ADCY8: variants seen among roughly 807,000 people sequenced by gnomAD.
The protein encoded by ADCY8 is adenylate cyclase type 8.
ADCY8 carries 51 observed loss-of-function variants against 119.7 expected under a neutral mutation model. The observed-to-expected ratio is 0.43, with a 90% CI of 0.34 to 0.54. The LOEUF (loss-of-function observed/expected upper bound fraction) is 0.54. ADCY8 is among the 20% of genes least tolerant of loss of function. The pLI, the probability that ADCY8 is intolerant of heterozygous loss-of-function variation, is 0.03. For missense variants in ADCY8, 1,383 were observed against 1,598.8 expected (o/e 0.87, Z 2.30); for synonymous variants, 665 against 651.0 (o/e 1.02, Z -0.33).
chr8:130,846,690 TCTTCCCCTTACTACCTTCCGTCCTTC>T (rs1817315149), intron 11 of ADCY8, among the ~76,000 whole-genome samples: 1 of 95,992 alleles, frequency 1.0e-5, no homozygotes, highest in Non-Finnish European at 2.5e-5. Context: ...CCCCTTCCTT[TCTTCCCCTTACTACCTTCCGTCCTTC>T]CTTCCCCTTC....
chr8:130,905,506 A>C (rs1274019666), intron 6 of ADCY8, among the ~76,000 whole-genome samples: 1 of 152,210 alleles, frequency 6.6e-6, no homozygotes, highest in Non-Finnish European at 1.5e-5. Context: ...AGAATGCTTA[A>C]TATTTTGATT....
At chr8:131,002,654 C>A (rs745607476) in intron 1 of ADCY8, among the ~76,000 whole-genome samples, 14 of 150,400 alleles carry the variant, frequency 9.3e-5, no homozygotes, top group Non-Finnish European at 1.5e-5. Context: ...AAGTAAAAAT[C>A]TAAGAAAAGG....
rs188548766 is a variant in ADCY8 at position 130,904,154 on chromosome 8, C to T, written c.1641-112G>A. On this transcript the variant is annotated intron_variant, in intron 6 of 17. Transcript: ENST00000286355. ...GGGTTACACAAGGGTATTATTAGGA[C>T]ATGTCCTCAGGGACAATACTTGTCT... 1.1e-4 allele frequency: 121 copies of T among 1,095,938 alleles called. No individual in the cohort carries two copies. The African/African-American group carries it at 1.7e-3, about 16-fold the overall frequency. 67.9% of individuals were successfully genotyped at this position (1,095,938 alleles called of 1,614,324 possible).
intron 9 of ADCY8, among the ~76,000 whole-genome samples, chr8:130,851,411 A>C (rs1286177511): frequency 6.6e-6 from 1 of 152,206 alleles, no homozygotes; most frequent in Non-Finnish European, 1.5e-5. Context: ...TGCAGGTAGG[A>C]AAGAGTGGGG....
intron 5 of ADCY8, among the ~76,000 whole-genome samples, chr8:130,919,323 C>A (rs7836440): frequency 0.039 from 5,906 of 151,324 alleles, 356 homozygotes; most frequent in African/African-American, 0.14. Context: ...ACACACACAC[C>A]ACACACATGA....
At chr8:130,883,718 G>A (rs545399028) in intron 8 of ADCY8, among the ~76,000 whole-genome samples, 1 of 152,256 alleles carries the variant, frequency 6.6e-6, no homozygotes, top group Middle Eastern at 3.4e-3. Flanking sequence ...GCTCAGTCAA[G>A]GAAGGTCTGT....
chr8:130,975,068 A>G (rs1014390673), intron 2 of ADCY8, among the ~76,000 whole-genome samples: 1 of 152,194 alleles, frequency 6.6e-6, no homozygotes. Flanking sequence ...ATCTATCAAG[A>G]GAGAATTTCA....
At chr8:130,885,317 C>T (rs981374593) in intron 7 of ADCY8, among the ~76,000 whole-genome samples, 16 of 151,720 alleles carry the variant, frequency 1.1e-4, no homozygotes, top group African/African-American at 2.2e-4. Flanking sequence ...TTTTTTACTT[C>T]GCTAATATGT....
chr8:130,950,942 C>T (rs538208011), intron 3 of ADCY8, among the ~76,000 whole-genome samples: 4 of 152,304 alleles, frequency 2.6e-5, no homozygotes, highest in Non-Finnish European at 4.4e-5. Context: ...TCGTGATCCG[C>T]CCACCTTGGC....
At chr8:130,832,674 C>T (rs1352958557) in intron 12 of ADCY8, among the ~76,000 whole-genome samples, 2 of 152,088 alleles carry the variant, frequency 1.3e-5, no homozygotes, top group South Asian at 2.1e-4. Flanking sequence ...AGCACTTGAT[C>T]GCCAGCAGCA....
intron 13 of ADCY8, among the ~76,000 whole-genome samples, chr8:130,818,717 C>T (rs542104680): frequency 4.6e-5 from 7 of 152,228 alleles, no homozygotes; most frequent in African/African-American, 1.4e-4. Context: ...CAGGCTTGAT[C>T]GGAGATTAAC....
rs556388654 is a variant in ADCY8 at position 131,026,078 on chromosome 8, T to C, written c.960+13296A>G. On this transcript the variant is annotated intron_variant, in intron 1 of 17. Transcript: ENST00000286355. ...CTAAATGAAAGCATGCATTAATGAA[T>C]GATGGAAGAATGTTGCTATGGTCTG... is the stretch of plus-strand genomic sequence containing the variant. 2.6e-5 allele frequency among the ~76,000 whole-genome samples: 4 copies of C among 152,320 alleles called. No homozygotes were observed. In the South Asian group the frequency reaches 8.3e-4, roughly 32 times the overall value.
At chr8:130,942,409 C>T (rs926845398) in intron 4 of ADCY8, among the ~76,000 whole-genome samples, 5 of 152,210 alleles carry the variant, frequency 3.3e-5, no homozygotes, top group Admixed American at 6.5e-5. Context: ...TAACACATGG[C>T]ACATTTTACA....
At chr8:131,036,443 AT>A (rs1457620636) in intron 1 of ADCY8, among the ~76,000 whole-genome samples, 3 of 152,300 alleles carry the variant, frequency 2.0e-5, no homozygotes, top group Admixed American at 1.3e-4. Flanking sequence ...TATTTCCTAT[AT>A]GATGAATTGT....
intron 1 of ADCY8, among the ~76,000 whole-genome samples, chr8:131,031,529 T>A (rs1422273651): frequency 6.6e-6 from 1 of 152,206 alleles, no homozygotes; most frequent in Admixed American, 6.5e-5. Flanking sequence ...TCATAAAGCA[T>A]GTGTTGGAAA....
In ADCY8 at chr8:131,040,093, G is replaced by T; in HGVS notation, c.241C>A (p.Pro81Thr). Residue 81 changes from proline (P) to threonine (T), a missense_variant, in exon 1 of 18, where the codon CCG (proline) becomes ACG (threonine). Transcript: ENST00000286355. ...PAGGGPNHHA[P>T]QLSGDSALPL... ...AGCGCCGAGTCGCCTGACAGCTGCG[G>T]CGCGTGGTGGTTGGGGCCGCCGCCC... is the stretch of plus-strand genomic sequence containing the variant. 4 of 1,529,666 alleles carry T rather than the reference G, an allele frequency of 2.6e-6. No individual in the cohort carries two copies. The South Asian group carries it at 4.8e-5, about 19-fold the overall frequency. 94.8% of individuals were successfully genotyped at this position (1,529,666 alleles called of 1,614,324 possible). A position where few individuals can be genotyped will look rare whatever the true frequency, so the allele number is the denominator to read the frequency against.
chr8:130,911,374 T>A (rs1206760939), intron 5 of ADCY8, among the ~76,000 whole-genome samples: 1 of 152,196 alleles, frequency 6.6e-6, no homozygotes. Context: ...AACCCATTTA[T>A]AAGGGCTTAA....
chr8:130,932,631 T>C (rs1006225048), intron 5 of ADCY8, among the ~76,000 whole-genome samples: 1 of 152,206 alleles, frequency 6.6e-6, no homozygotes, highest in Non-Finnish European at 1.5e-5. Flanking sequence ...CTGAGTATTA[T>C]GACATCTCAC....
intron 4 of ADCY8, among the ~76,000 whole-genome samples, chr8:130,940,927 A>G (rs1029197182): frequency 6.6e-6 from 1 of 152,226 alleles, no homozygotes; most frequent in Non-Finnish European, 1.5e-5. Flanking sequence ...TATATTGTTC[A>G]CAGGGTAGAA....
Sources: gnomAD v4.1 joint callset for allele counts (sites outside exome capture counted in the v4.1 genomes callset) on GRCh38, gnomAD v4.1.1 for gene constraint, MANE v1.5 for transcripts, NCBI Gene and HGNC (gene_info 2026-07-23, HGNC 2026-07-21) for gene names.